The following DST variants were observed in gnomAD, a reference collection of about 807,000 sequenced individuals.
The protein encoded by DST is bullous pemphigoid antigen.
Under a neutral mutation model 875.2 loss-of-function variants are expected in DST, and 253 were observed. The observed-to-expected ratio is 0.29, with a 90% CI of 0.26 to 0.32. DST has a LOEUF of 0.32. Among genes scored for constraint, DST ranks in the 10% least tolerant of loss-of-function variants. The pLI is 1.00. For missense variants in DST, 8,287 were observed against 9,111.6 expected (o/e 0.91, Z 3.68); for synonymous variants, 3,124 against 3,197.1 (o/e 0.98, Z 0.77).
chr6:56,845,386 A>G (rs1302604058), intron 4 of DST, among the ~76,000 whole-genome samples: 1 of 152,182 alleles, frequency 6.6e-6, no homozygotes, highest in Non-Finnish European at 1.5e-5. Context: ...GGGAAAAAAA[A>G]ACTGACTTGA....
At chr6:56,462,966 G>C (rs909048467) in intron 102 of DST, 80 bp downstream of exon 102, 1 of 744,778 alleles carries the variant, frequency 1.3e-6, no homozygotes, top group Non-Finnish European at 2.3e-6. Flanking sequence ...ATATATTTAG[G>C]GAGTGGTGCA....
rs191692423 is a variant in DST at position 56,940,622 on chromosome 6, C to T, written c.216+13163G>A. ...TTTGAGACAGGGTCTTGCTGTCACC[C>T]AGGGCGGAGTGCAGTGGCGCAATCA... On this transcript the variant is annotated intron_variant, in intron 2 of 103. Coordinates refer to ENST00000680361, the MANE Select transcript of DST (RefSeq NM_001374736.1). Among the ~76,000 whole-genome samples, 11 of 152,020 alleles carry T rather than the reference C, an allele frequency of 7.2e-5. 1 individual carries two copies. Among genetic ancestry groups the T allele is most frequent in the Admixed American group, 3.3e-4 (5 of 15,276 alleles).
chr6:56,680,297 A>G (rs946961828), intron 9 of DST, among the ~76,000 whole-genome samples: 8 of 152,224 alleles, frequency 5.3e-5, no homozygotes, highest in African/African-American at 1.9e-4. Context: ...TCCAATAAAG[A>G]AGAAAATTAG....
Position 56,635,498 on chromosome 6 carries a change from A to T in DST, c.3186+91T>A. 3.1e-6 allele frequency: 4 copies of T among 1,281,248 alleles called. No individual in the cohort carries two copies. The South Asian group carries it at 5.1e-5, about 16-fold the overall frequency. The allele number at this position is 1,281,248 out of a possible 1,614,324, so 79.4% of individuals were successfully genotyped here. On this transcript the variant is annotated intron_variant, in intron 24 of 103. Coordinates refer to ENST00000680361, the MANE Select transcript of DST (RefSeq NM_001374736.1). Reference sequence around the variant, plus strand: ...AATTGAATTAGTGGGAAATATCAAGAGTGCCAATAAAATACAAAGTTCTGC... The same window carrying T: ...AATTGAATTAGTGGGAAATATCAAGTGTGCCAATAAAATACAAAGTTCTGC...
intron 4 of DST, among the ~76,000 whole-genome samples, chr6:56,735,852 TTTA>T (rs990561772): frequency 4.0e-5 from 6 of 151,856 alleles, no homozygotes; most frequent in African/African-American, 1.2e-4. Flanking sequence ...TAAGTAGTAA[TTTA>T]TTATTATTAT....
chr6:56,722,396 A>AT (rs2099422516), intron 5 of DST, among the ~76,000 whole-genome samples: 2 of 146,332 alleles, frequency 1.4e-5, no homozygotes, highest in African/African-American at 4.9e-5. Context: ...TTATTTATTT[A>AT]TTTTTGAGAC....
Position 56,561,569 on chromosome 6 carries a change from C to G in DST, c.14069-20G>C, listed in dbSNP as rs759074877. ...TTAAACCTAGGAGTAAGAAAAACAA[C>G]TATACTGACACATTTTCAGGACATT... On this transcript the variant is annotated intron_variant, in intron 56 of 103. Coordinates refer to ENST00000680361, the MANE Select transcript of DST (RefSeq NM_001374736.1). 5 of 1,594,692 alleles carry G rather than the reference C, an allele frequency of 3.1e-6. No individual in the cohort carries two copies. The highest frequency in any genetic ancestry group is 2.3e-5 in the South Asian group (2 of 87,828).
intron 3 of DST, among the ~76,000 whole-genome samples, chr6:56,876,697 T>A (rs1027998027): frequency 6.6e-6 from 1 of 152,224 alleles, no homozygotes; most frequent in Non-Finnish European, 1.5e-5. Context: ...ATGAAGCAGC[T>A]TAATCCCTCG....
chr6:56,605,056 A>G lies in DST; in HGVS notation c.9572T>C (p.Ile3191Thr). ...FTYLKHCAKN[I>T]KAKDVAKPNE... ...TGGTTTGGCTACATCTTTTGCTTTTATATTTTTAGCACAATGTTTTAAGTA... is the reference window on the plus strand; with the variant it reads ...TGGTTTGGCTACATCTTTTGCTTTTGTATTTTTAGCACAATGTTTTAAGTA... Residue 3191 changes from isoleucine to threonine, a missense_variant, in exon 40 of 104, where the codon ATA becomes ACA. Ile to Thr is a moderately conservative substitution (Grantham distance 89, BLOSUM62 -1). Transcript: ENST00000680361. 1 of 1,612,862 alleles carries G rather than the reference A, an allele frequency of 6.2e-7. No homozygotes were observed. Among genetic ancestry groups the G allele is most frequent in the Non-Finnish European group, 8.5e-7 (1 of 1,179,354 alleles).
chr6:56,638,999 A>G (rs1485131318), intron 22 of DST: 3 of 532,146 alleles, frequency 5.6e-6, no homozygotes, highest in African/African-American at 1.9e-5. Context: ...ATGCTTACAC[A>G]GAGAAGGTAC....
chr6:56,577,057 T>C (rs963880963), intron 50 of DST, among the ~76,000 whole-genome samples: 1 of 152,196 alleles, frequency 6.6e-6, no homozygotes, highest in Non-Finnish European at 1.5e-5. Flanking sequence ...ACTGTAAGAA[T>C]GTTATTTTTT....
chr6:56,884,100 G>A (rs1464558799), intron 3 of DST, among the ~76,000 whole-genome samples: 1 of 151,432 alleles, frequency 6.6e-6, no homozygotes, highest in Non-Finnish European at 1.5e-5. Flanking sequence ...CACTGCACTC[G>A]AGCCTGGGTG....
intron 9 of DST, among the ~76,000 whole-genome samples, chr6:56,686,286 T>A (rs1444745013): frequency 1.2e-4 from 19 of 152,102 alleles, no homozygotes; most frequent in Admixed American, 1.2e-3. Flanking sequence ...CAATAAACAC[T>A]GGGTATTCCA....
In DST at chr6:56,630,240, C is replaced by T. The variant is rs779381963; in HGVS notation, c.4281+5G>A. ...TTTAAAAATATCCAAAAGTGAGTCT[C>T]ATACCTTTAAAGTACTTATTAGATT... is the stretch of plus-strand genomic sequence containing the variant. On this transcript the variant is annotated splice_donor_5th_base_variant and intron_variant, in intron 31 of 103. Transcript: ENST00000680361. The T allele has an allele frequency of 6.4e-6, 10 of 1,574,230 alleles. No homozygotes were observed. In the South Asian group the frequency reaches 7.8e-5, roughly 12 times the overall value.
At chr6:56,924,072 C>A (rs979096612) in intron 2 of DST, among the ~76,000 whole-genome samples, 1 of 152,022 alleles carries the variant, frequency 6.6e-6, no homozygotes, top group African/African-American at 2.4e-5. Flanking sequence ...TGCAGTGAGC[C>A]GAGATCACGC....
chr6:56,825,742 C>T (rs12214555), intron 4 of DST, among the ~76,000 whole-genome samples: 1,838 of 152,236 alleles, frequency 0.012, 27 homozygotes, highest in Non-Finnish European at 0.014. Context: ...TTGATCCCTA[C>T]TGTCAGATAA....
At chr6:56,735,150 G>A in intron 5 of DST, 78 bp downstream of exon 5, 1 of 949,164 alleles carries the variant, frequency 1.1e-6, no homozygotes, top group Middle Eastern at 2.1e-4. Flanking sequence ...TTGTGCTTCA[G>A]AGCTATATAA....
intron 64 of DST, among the ~76,000 whole-genome samples, chr6:56,531,217 G>A (rs1341020475): frequency 6.6e-6 from 1 of 152,092 alleles, no homozygotes; most frequent in Non-Finnish European, 1.5e-5. Context: ...TCTGTGATGG[G>A]ATTTCACTTA....
At chr6:56,595,479 G>A (rs2098358379) in intron 47 of DST, among the ~76,000 whole-genome samples, 2 of 152,050 alleles carry the variant, frequency 1.3e-5, no homozygotes, top group Admixed American at 6.5e-5. Context: ...TGCAAGGGGG[G>A]CACAGGGAAT....
Sources: gnomAD v4.1 joint callset for allele counts (sites outside exome capture counted in the v4.1 genomes callset) on GRCh38, gnomAD v4.1.1 for gene constraint, MANE v1.5 for transcripts, NCBI Gene and HGNC (gene_info 2026-07-23, HGNC 2026-07-21) for gene names.